Variants in GRID2 observed in about 807,000 individuals in gnomAD.
The protein encoded by GRID2 is glutamate ionotropic receptor delta type subunit 2.
A neutral mutation model predicts 114.8 loss-of-function variants in GRID2; 33 were observed. That is an observed-to-expected ratio of 0.29 (90% confidence interval 0.22 to 0.38). The LOEUF is 0.38. Ranked by LOEUF, GRID2 falls within the 10% of genes least tolerant of loss-of-function variation. The pLI is 1.00. For synonymous variants in GRID2, 505 were observed against 449.9 expected, an observed-to-expected ratio of 1.12 and a Z score of -1.55; for missense variants, 1,184 against 1,257.7, an observed-to-expected ratio of 0.94 and a Z score of 0.89.
At chr4:92,536,314 A>T (rs1725629032) in intron 1 of GRID2, among the ~76,000 whole-genome samples, 1 of 151,896 alleles carries the variant, frequency 6.6e-6, no homozygotes, top group Non-Finnish European at 1.5e-5. Context: ...GTGTTTACAA[A>T]CCTTTAGCTG....
intron 5 of GRID2, among the ~76,000 whole-genome samples, chr4:93,215,810 G>T (rs1036046775): frequency 2.0e-5 from 3 of 151,810 alleles, no homozygotes; most frequent in Admixed American, 6.6e-5. Context: ...TAATTTCTTA[G>T]ATCAAACCTC....
chr4:93,554,249 T>G (rs2149549369), intron 13 of GRID2, among the ~76,000 whole-genome samples: 1 of 152,308 alleles, frequency 6.6e-6, no homozygotes, highest in Middle Eastern at 3.4e-3. Flanking sequence ...AAACTGAGCC[T>G]CATCCCTCTT....
At chr4:93,350,991 G>C (rs1393735907) in intron 8 of GRID2, among the ~76,000 whole-genome samples, 1 of 152,048 alleles carries the variant, frequency 6.6e-6, no homozygotes, top group Non-Finnish European at 1.5e-5. Context: ...AGGCAGGCAA[G>C]AGAGTGTGTG....
intron 2 of GRID2, among the ~76,000 whole-genome samples, chr4:92,856,121 T>C (rs561443062): frequency 4.3e-4 from 66 of 152,256 alleles, no homozygotes; most frequent in Non-Finnish European, 7.4e-4. Flanking sequence ...CCTGTGTTAC[T>C]GGTTTATTTT....
chr4:93,476,893 G>T (rs114874482), intron 11 of GRID2, among the ~76,000 whole-genome samples: 2,598 of 152,104 alleles, frequency 0.017, 63 homozygotes, highest in African/African-American at 0.06. Context: ...AACAGAAAAA[G>T]AAATAAACAA....
chr4:93,207,587 T>G, intron 5 of GRID2, 130 bp downstream of exon 5: 1 of 629,088 alleles, frequency 1.6e-6, no homozygotes, highest in East Asian at 2.8e-5. Flanking sequence ...ACTGAGTGAA[T>G]GCTGTTTAAC....
At chr4:92,385,129 C>T (rs1448968057) in intron 1 of GRID2, among the ~76,000 whole-genome samples, 1 of 151,626 alleles carries the variant, frequency 6.6e-6, no homozygotes, top group Non-Finnish European at 1.5e-5. Flanking sequence ...GTTAAGTTTC[C>T]TGCTATAAAT....
At chr4:93,251,046 G>A (rs1748859330) in intron 8 of GRID2, among the ~76,000 whole-genome samples, 1 of 152,010 alleles carries the variant, frequency 6.6e-6, no homozygotes, top group Admixed American at 6.6e-5. Flanking sequence ...TGAAAATTGA[G>A]AATGTCCCCC....
intron 13 of GRID2, among the ~76,000 whole-genome samples, chr4:93,524,391 G>A (rs1730627205): frequency 6.6e-6 from 1 of 152,048 alleles, no homozygotes; most frequent in African/African-American, 2.4e-5. Context: ...AGAGTTTTTA[G>A]GTCTGTGTCA....
chr4:92,877,450 T>C (rs955526981), intron 2 of GRID2, among the ~76,000 whole-genome samples: 4 of 152,146 alleles, frequency 2.6e-5, no homozygotes, highest in Non-Finnish European at 2.9e-5. Context: ...CTGTGCTGAG[T>C]CCGTGAAGGA....
At position 93,224,767 on chromosome 4, in the gene GRID2, A is replaced by G. The variant is rs562865308; in HGVS notation, c.1117A>G (p.Ile373Val). The stretch of plus-strand genomic sequence containing the variant: ...GGGTGGGCGCTCCATGTTGGAGACC[A>G]TCAAGAAGGTAACTTCTTAATTTTC... The part of the protein sequence containing the change: ...WQGGRSMLET[I>V]KKGGVSGLTG... Residue 373 changes from isoleucine (I) to valine (V), a missense_variant, in exon 7 of 16, where the codon ATC (isoleucine) becomes GTC (valine). Ile to Val is a conservative substitution (Grantham distance 29). Around this residue, in one of 3 missense-constraint regions of GRID2, gnomAD observed 717 missense variants for 796.9 expected, o/e 0.90. Transcript: ENST00000282020. 2 of 1,607,502 alleles carry G rather than the reference A, an allele frequency of 1.2e-6. No homozygotes were observed. Among genetic ancestry groups the G allele is most frequent in the Non-Finnish European group, 1.7e-6 (2 of 1,175,728 alleles).
chr4:93,004,956 C>T (rs1721358511), intron 2 of GRID2, among the ~76,000 whole-genome samples: 1 of 151,890 alleles, frequency 6.6e-6, no homozygotes, highest in Non-Finnish European at 1.5e-5. Context: ...TTCTGTCTAC[C>T]TCAAGGCCTA....
chr4:92,845,573 G>A (rs570421966), intron 2 of GRID2, among the ~76,000 whole-genome samples: 1 of 151,910 alleles, frequency 6.6e-6, no homozygotes, highest in African/African-American at 2.4e-5. Flanking sequence ...ATACCATCCT[G>A]CTCTCTGCCC....
intron 2 of GRID2, among the ~76,000 whole-genome samples, chr4:92,800,971 TA>T (rs1213590220): frequency 6.6e-6 from 1 of 152,020 alleles, no homozygotes; most frequent in Non-Finnish European, 1.5e-5. Flanking sequence ...TCCGGAAACA[TA>T]ATGATAAACA....
intron 12 of GRID2, among the ~76,000 whole-genome samples, chr4:93,493,013 T>C (rs1727166934): frequency 6.6e-6 from 1 of 151,918 alleles, no homozygotes; most frequent in Non-Finnish European, 1.5e-5. Flanking sequence ...TCTTTCTGTG[T>C]TTGGCTTATT....
chr4:93,317,588 C>T (rs1756798078), intron 8 of GRID2, among the ~76,000 whole-genome samples: 1 of 152,040 alleles, frequency 6.6e-6, no homozygotes, highest in South Asian at 2.1e-4. Context: ...AATAGAGTTT[C>T]TTTCAGAAAT....
At chr4:93,632,570 G>A (rs552053049) in intron 14 of GRID2, among the ~76,000 whole-genome samples, 33 of 152,200 alleles carry the variant, frequency 2.2e-4, no homozygotes, top group South Asian at 6.2e-4. Context: ...TGTTCCATTG[G>A]TCTATATCTC....
intron 14 of GRID2, among the ~76,000 whole-genome samples, chr4:93,675,029 A>C (rs1378301558): frequency 2.0e-5 from 3 of 152,198 alleles, no homozygotes; most frequent in African/African-American, 7.2e-5. Context: ...TCTTGATTAT[A>C]AGCCAATTAT....
intron 6 of GRID2, 93 bp downstream of exon 6, chr4:93,217,004 C>A: frequency 5.1e-6 from 4 of 790,488 alleles, no homozygotes; most frequent in East Asian, 2.5e-5. Flanking sequence ...CAGAATTATA[C>A]GTGTTATTTC....
Sources: allele counts gnomAD v4.1 joint callset (sites outside exome capture counted in the v4.1 genomes callset), GRCh38; gene constraint gnomAD v4.1.1; regional missense constraint gnomAD v4.1.1; transcripts MANE v1.5; gene names NCBI Gene and HGNC (gene_info 2026-07-23, HGNC 2026-07-21).